The following DOCK4 variants were observed in gnomAD, a reference collection of about 807,000 sequenced individuals.
DOCK4 encodes the protein dedicator of cytokinesis protein 4.
In DOCK4, 97 loss-of-function variants were observed where a neutral mutation model predicts 268.1. The ratio of observed to expected loss-of-function variants is 0.36; its 90% CI spans 0.31 to 0.43. DOCK4 has a LOEUF of 0.43. Ranked by LOEUF, DOCK4 falls within the 20% of genes least tolerant of loss-of-function variation. DOCK4 has a pLI of 1.00. For synonymous variants in DOCK4, 954 were observed against 887.2 expected, an observed-to-expected ratio of 1.08 and a Z score of -1.34; for missense variants, 2,145 against 2,455.7, an observed-to-expected ratio of 0.87 and a Z score of 2.67.
At chr7:111,744,779 A>G (rs1376025919) in intron 44 of DOCK4, among the ~76,000 whole-genome samples, 3 of 152,206 alleles carry the variant, frequency 2.0e-5, no homozygotes, top group Non-Finnish European at 4.4e-5. Flanking sequence ...CACATTGAGA[A>G]CTTGACTTAT....
chr7:112,182,912 C>T (rs1004649027), intron 1 of DOCK4, among the ~76,000 whole-genome samples: 2 of 152,342 alleles, frequency 1.3e-5, no homozygotes, highest in African/African-American at 4.8e-5. Flanking sequence ...GCAAAAGGAA[C>T]TGCCTGGGCC....
At chr7:111,971,350 C>T (rs534543225) in intron 8 of DOCK4, 2 of 186,464 alleles carry the variant, frequency 1.1e-5, no homozygotes, top group South Asian at 2.3e-4. Context: ...GTAATTGGTC[C>T]TGATAGCTTC....
chr7:112,143,792 G>C (rs1363549524), intron 1 of DOCK4, among the ~76,000 whole-genome samples: 1 of 152,098 alleles, frequency 6.6e-6, no homozygotes, highest in Non-Finnish European at 1.5e-5. Context: ...GCCTGCCAGG[G>C]CTAACCTCAT....
Position 111,758,743 on chromosome 7 carries a change from G to T in DOCK4, c.4210C>A (p.Leu1404Met). 1 of 1,613,968 alleles carries T rather than the reference G, an allele frequency of 6.2e-7. No homozygotes were observed. The highest frequency in any genetic ancestry group is 2.2e-5 in the East Asian group (1 of 44,876). Residue 1404 changes from leucine (L) to methionine (M), a missense_variant, in exon 41 of 53, where the codon CTG becomes ATG. Around this residue, in one of 2 missense-constraint regions of DOCK4, gnomAD observed 1,598 missense variants for 1,986.7 expected, o/e 0.80. Coordinates refer to ENST00000428084, the MANE Select transcript of DOCK4 (RefSeq NM_001363540.2). ...VTPIPESQEV[L>M]QREGVPDNIK... Reference sequence around the variant, plus strand: ...TTGTCCGGAACACCCTCTCTCTGCAGGACCTCCTGGCTCTCTGGAATGGGA... The same window carrying T: ...TTGTCCGGAACACCCTCTCTCTGCATGACCTCCTGGCTCTCTGGAATGGGA...
At chr7:111,918,289 G>C (rs1792788827) in intron 12 of DOCK4, among the ~76,000 whole-genome samples, 1 of 152,100 alleles carries the variant, frequency 6.6e-6, no homozygotes, top group African/African-American at 2.4e-5. Context: ...CATTAAGTCT[G>C]GCACATCCTC....
intron 23 of DOCK4, among the ~76,000 whole-genome samples, chr7:111,853,359 G>A (rs538121084): frequency 1.1e-4 from 17 of 152,254 alleles, no homozygotes; most frequent in African/African-American, 4.1e-4. Context: ...CTCAGTACGG[G>A]GAGATTGTAA....
intron 23 of DOCK4, among the ~76,000 whole-genome samples, chr7:111,852,451 A>C (rs1456409019): frequency 1.3e-5 from 2 of 151,896 alleles, no homozygotes; most frequent in Non-Finnish European, 2.9e-5. Context: ...AGTAAGCCTC[A>C]CCAGGGAACT....
chr7:111,975,277 GA>G (rs1341457001), intron 8 of DOCK4, among the ~76,000 whole-genome samples: 4 of 151,536 alleles, frequency 2.6e-5, no homozygotes, highest in Non-Finnish European at 5.9e-5. Flanking sequence ...AAACAAAAAC[GA>G]ACAAAAAAAA....
Position 112,066,730 on chromosome 7 carries a change from T to C in DOCK4, c.38-62599A>G, listed in dbSNP as rs1327288001. Among the ~76,000 whole-genome samples the C allele has an allele frequency of 3.1e-3, 330 of 105,976 alleles. 10 individuals carry two copies. The highest frequency in any genetic ancestry group is 0.021 in the South Asian group (72 of 3,398). The allele number at this position is 105,976 out of a possible 152,430, so 69.5% of individuals were successfully genotyped here. A position where few individuals can be genotyped will look rare whatever the true frequency, so the allele number is the denominator to read the frequency against. The stretch of plus-strand genomic sequence containing the variant: ...ATATATATATATATATATATATATA[T>C]ATATATATATATCTCCTATTGGCTC... On this transcript the variant is annotated intron_variant, in intron 1 of 52. Coordinates refer to ENST00000428084, the MANE Select transcript of DOCK4 (RefSeq NM_001363540.2).
At chr7:112,091,411 C>T (rs548911786) in intron 1 of DOCK4, among the ~76,000 whole-genome samples, 2 of 152,202 alleles carry the variant, frequency 1.3e-5, no homozygotes, top group East Asian at 1.9e-4. Context: ...AGACTGCCAG[C>T]GTTGCCCTAC....
chr7:111,790,576 G>C lies in DOCK4; in HGVS notation c.3196C>G (p.Leu1066Val). 6.2e-7 allele frequency: 1 copy of C among 1,613,618 alleles called. No homozygotes were observed. The highest frequency in any genetic ancestry group is 8.5e-7 in the Non-Finnish European group (1 of 1,179,772). The change falls in exon 31 of 53, where the codon CTG becomes GTG. Residue 1066 changes from leucine (L) to valine (V), a missense_variant. By Grantham distance (32) the Leu-to-Val change is conservative (BLOSUM62 1). Around this residue, in one of 2 missense-constraint regions of DOCK4, gnomAD observed 1,598 missense variants for 1,986.7 expected, o/e 0.80. Coordinates refer to ENST00000428084, the MANE Select transcript of DOCK4 (RefSeq NM_001363540.2). ...GEHKLHFIPA[L>V]IGPFLEVTLI... is the part of the protein sequence containing the mutation. Reference sequence around the variant, plus strand: ...GTCACTTCTAGGAAGGGGCCAATCAGGGCAGGGATAAAATGAAGCTTGTGC... The same window carrying C: ...GTCACTTCTAGGAAGGGGCCAATCACGGCAGGGATAAAATGAAGCTTGTGC...
chr7:111,820,506 G>A (rs546309026), intron 27 of DOCK4: 1 of 152,298 alleles, frequency 6.6e-6, no homozygotes, highest in Admixed American at 6.5e-5. Flanking sequence ...CACTGTAAAT[G>A]AAAATTCTGA....
chr7:111,937,461 C>T (rs1794832619), intron 11 of DOCK4, among the ~76,000 whole-genome samples: 1 of 152,124 alleles, frequency 6.6e-6, no homozygotes, highest in Admixed American at 6.5e-5. Context: ...ACACAAAGAG[C>T]AGAACAATTT....
Position 111,769,567 on chromosome 7 carries a change from G to C in DOCK4, c.3790C>G (p.Leu1264Val), listed in dbSNP as rs1453971102. Residue 1264 changes from leucine (L) to valine (V), a missense_variant, in exon 37 of 53, where the codon CTG becomes GTG. Leu to Val is a conservative substitution (Grantham distance 32). Transcript: ENST00000428084. ...AAGTTCTGGATGATGGTGAGGTGCA[G>C]GTGCTCTTTGCGCTGCCATTCTGTT... is the stretch of plus-strand genomic sequence containing the variant. The part of the protein sequence containing the change: ...MQTEWQRKEH[L>V]HLTIIQNFDR... 1 of 1,613,804 alleles carries C rather than the reference G, an allele frequency of 6.2e-7. No homozygotes were observed. The highest frequency in any genetic ancestry group is 1.1e-5 in the South Asian group (1 of 91,064).
intron 12 of DOCK4, among the ~76,000 whole-genome samples, chr7:111,917,057 G>A (rs1792664971): frequency 7.5e-6 from 1 of 133,300 alleles, no homozygotes; most frequent in African/African-American, 3.0e-5. Context: ...GCGCGATCTT[G>A]GCTCACTGCA....
intron 26 of DOCK4, among the ~76,000 whole-genome samples, chr7:111,828,813 T>A (rs1406641840): frequency 1.3e-5 from 2 of 151,522 alleles, no homozygotes; most frequent in Non-Finnish European, 2.9e-5. Context: ...ATAATATCTA[T>A]GAGATATTAT....
chr7:112,130,743 T>A (rs117917820), intron 1 of DOCK4, among the ~76,000 whole-genome samples: 3,188 of 152,274 alleles, frequency 0.021, 51 homozygotes, highest in South Asian at 0.052. Flanking sequence ...AAAAATAAAA[T>A]GTACAGAGGC....
intron 1 of DOCK4, among the ~76,000 whole-genome samples, chr7:112,202,431 T>C (rs1289939993): frequency 6.6e-6 from 1 of 152,230 alleles, no homozygotes; most frequent in Admixed American, 6.5e-5. Context: ...TAAATAACAA[T>C]GCATTGTATA....
chr7:112,069,352 A>AT (rs1417463948), intron 1 of DOCK4, among the ~76,000 whole-genome samples: 1 of 152,184 alleles, frequency 6.6e-6, no homozygotes, highest in Non-Finnish European at 1.5e-5. Flanking sequence ...AATGAAAGAC[A>AT]TAATTCTTGC....
Sources: allele counts gnomAD v4.1 joint callset (sites outside exome capture counted in the v4.1 genomes callset), GRCh38; gene constraint gnomAD v4.1.1; regional missense constraint gnomAD v4.1.1; transcripts MANE v1.5; gene names NCBI Gene and HGNC (gene_info 2026-07-23, HGNC 2026-07-21).